CEP63: variants seen among roughly 807,000 people sequenced by gnomAD.
The protein encoded by CEP63 is centrosomal protein of 63 kDa.
A neutral mutation model predicts 89.1 loss-of-function variants in CEP63; 84 were observed. The observed-to-expected ratio is 0.94, with a 90% CI of 0.79 to 1.13. CEP63 has a LOEUF of 1.13. Ranked by LOEUF, CEP63 falls within the 50% of genes most tolerant of loss-of-function variation. The pLI, the probability that CEP63 is intolerant of heterozygous loss-of-function variation, is 0.00. For missense variants in CEP63, 838 were observed against 813.3 expected (o/e 1.03, Z -0.37); for synonymous variants, 267 against 272.5 (o/e 0.98, Z 0.20).
chr3:134,730,491 T>C, the CEP63 span, among the ~76,000 whole-genome samples: 4 of 152,094 alleles, frequency 2.6e-5, no homozygotes, highest in Admixed American at 2.0e-4. Flanking sequence ...AGAAGTAAAA[T>C]ATGTTCATTG....
At chr3:134,636,609 A>G in the CEP63 span, among the ~76,000 whole-genome samples, 3 of 152,230 alleles carry the variant, frequency 2.0e-5, no homozygotes, top group Non-Finnish European at 4.4e-5. Flanking sequence ...CAACAAGCAC[A>G]TGAGCAAGCC....
chr3:134,619,751 C>T, the CEP63 span, among the ~76,000 whole-genome samples: 1 of 152,192 alleles, frequency 6.6e-6, no homozygotes, highest in African/African-American at 2.4e-5. Context: ...TGTGGTGAGG[C>T]CCTAAGGCAG....
the CEP63 span, among the ~76,000 whole-genome samples, chr3:134,665,688 CACACACACACACACAGAGAG>C: frequency 7.7e-6 from 1 of 129,866 alleles, no homozygotes; most frequent in Admixed American, 7.6e-5. Flanking sequence ...CACACACACA[CACACACACACACACAGAGAG>C]AGAGAGAGAG....
At chr3:134,652,698 C>T in the CEP63 span, among the ~76,000 whole-genome samples, 2 of 152,108 alleles carry the variant, frequency 1.3e-5, no homozygotes, top group African/African-American at 4.8e-5. Flanking sequence ...CACTTACTCT[C>T]TATGTGGCTG....
Position 134,552,169 on chromosome 3 carries a change from C to G in CEP63, c.1467+157C>G, listed in dbSNP as rs1460783978. On this transcript the variant is annotated intron_variant, in intron 12 of 14. Transcript: ENST00000675561. ...AAGGTAAAACAATACTGGAAGTGAGCAAAATATGACTCTCCACTCCAGCAG... is the reference window on the plus strand; with the variant it reads ...AAGGTAAAACAATACTGGAAGTGAGGAAAATATGACTCTCCACTCCAGCAG... 4 of 469,780 alleles carry G rather than the reference C, an allele frequency of 8.5e-6. No homozygotes were observed. In the East Asian group the frequency reaches 1.1e-4, roughly 13 times the overall value. 29.1% of individuals were successfully genotyped at this position (469,780 alleles called of 1,614,324 possible).
chr3:134,513,224 C>CA (rs1465874569), intron 3 of CEP63, among the ~76,000 whole-genome samples: 3 of 152,096 alleles, frequency 2.0e-5, no homozygotes, highest in African/African-American at 7.2e-5. Context: ...CATTCTCTGT[C>CA]ACCATATTTA....
In CEP63 at chr3:134,549,143, A is replaced by C. The variant is rs975291796; in HGVS notation, c.1149A>C (p.Ala383=). ...EKYEELKRME[A]HNNEYKAEIK... is the part of the protein sequence containing the mutation. ...ATGAAGAACTGAAGAGGATGGAAGC[A>C]CATAACAATGAATACAAAGCAGAGA... Residue 383 remains alanine, a synonymous_variant, in exon 10 of 15, where the codon GCA becomes GCC. Coordinates refer to ENST00000675561, the MANE Select transcript of CEP63 (RefSeq NM_001353108.3). 9 of 1,612,636 alleles carry C rather than the reference A, an allele frequency of 5.6e-6. No individual in the cohort carries two copies. The highest frequency in any genetic ancestry group is 7.6e-6 in the Non-Finnish European group (9 of 1,178,754).
chr3:134,725,785 A>C, the CEP63 span, among the ~76,000 whole-genome samples: 3 of 152,142 alleles, frequency 2.0e-5, no homozygotes, highest in Non-Finnish European at 2.9e-5. Flanking sequence ...TCCTTCCAGC[A>C]GGCTTTCTGC....
chr3:134,579,476 A>G (rs2110323033), downstream of CEP63, among the ~76,000 whole-genome samples: 1 of 152,346 alleles, frequency 6.6e-6, no homozygotes, highest in South Asian at 2.1e-4. Context: ...GATTATAACC[A>G]TTCTAGTGGG....
chr3:134,685,087 A>G, the CEP63 span, among the ~76,000 whole-genome samples: 7 of 152,140 alleles, frequency 4.6e-5, no homozygotes, highest in Non-Finnish European at 8.8e-5. Flanking sequence ...TTTTTTCATT[A>G]AAAGACAGTA....
the CEP63 span, among the ~76,000 whole-genome samples, chr3:134,614,290 T>C: frequency 1.3e-5 from 2 of 152,192 alleles, no homozygotes; most frequent in African/African-American, 4.8e-5. Context: ...CAAGGAGATT[T>C]ATTTAATGAC....
intron 3 of CEP63, among the ~76,000 whole-genome samples, chr3:134,515,620 C>T (rs554290444): frequency 1.3e-5 from 2 of 152,258 alleles, no homozygotes; most frequent in Non-Finnish European, 2.9e-5. Context: ...CTTTAGTAGA[C>T]ATTCTTTGTG....
chr3:134,666,412 T>C, the CEP63 span, among the ~76,000 whole-genome samples: 2 of 152,206 alleles, frequency 1.3e-5, no homozygotes, highest in African/African-American at 2.4e-5. Flanking sequence ...GTAGGGATTG[T>C]ACCAATCACA....
At chr3:134,690,089 C>T in the CEP63 span, among the ~76,000 whole-genome samples, 1 of 152,172 alleles carries the variant, frequency 6.6e-6, no homozygotes, top group Non-Finnish European at 1.5e-5. Flanking sequence ...ATAGTTTTCT[C>T]GTGAAGCACA....
chr3:134,503,840 G>GTTTCTATTTGTGTAGGATATTT (rs1553747195), intron 2 of CEP63, among the ~76,000 whole-genome samples: 1 of 151,230 alleles, frequency 6.6e-6, no homozygotes, highest in Non-Finnish European at 1.5e-5. Context: ...CATGTTTTTG[G>GTTTCTATTTGTGTAGGATATTT]TTTCCCATCT....
the CEP63 span, among the ~76,000 whole-genome samples, chr3:134,765,096 G>A: frequency 1.3e-5 from 2 of 152,296 alleles, no homozygotes; most frequent in Non-Finnish European, 2.9e-5. Context: ...TCAGGGTAGG[G>A]CCTGATAATT....
chr3:134,605,558 G>A, the CEP63 span, among the ~76,000 whole-genome samples: 1 of 152,152 alleles, frequency 6.6e-6, no homozygotes, highest in Non-Finnish European at 1.5e-5. Flanking sequence ...AGCATGATGG[G>A]GAGGCTGCTT....
the CEP63 span, among the ~76,000 whole-genome samples, chr3:134,657,444 A>G: frequency 6.6e-6 from 1 of 152,218 alleles, no homozygotes. Flanking sequence ...TGCACCATAT[A>G]TAGTTTGGTA....
the CEP63 span, among the ~76,000 whole-genome samples, chr3:134,680,099 A>G: frequency 2.4e-4 from 36 of 152,314 alleles, no homozygotes; most frequent in East Asian, 3.9e-4. Flanking sequence ...ATGTGAAGAC[A>G]CAGGGAGAAG....
Sources: allele counts gnomAD v4.1 joint callset (sites outside exome capture counted in the v4.1 genomes callset), GRCh38; gene constraint gnomAD v4.1.1; transcripts MANE v1.5; gene names NCBI Gene and HGNC (gene_info 2026-07-23, HGNC 2026-07-21).